The following SPRY3 variants were observed in gnomAD, a reference collection of about 807,000 sequenced individuals.
SPRY3 encodes the protein protein sprouty homolog 3.
Under a neutral mutation model 20.2 loss-of-function variants are expected in SPRY3, and 15 were observed. The ratio of observed to expected loss-of-function variants is 0.74; its 90% CI spans 0.50 to 1.14. The LOEUF (loss-of-function observed/expected upper bound fraction) is 1.14, where lower values mean the gene tolerates loss of function less well. Among genes scored for constraint, SPRY3 ranks in the 50% most tolerant of loss-of-function variants. The pLI, the probability that SPRY3 is intolerant of heterozygous loss-of-function variation, is 0.00. For synonymous variants in SPRY3, 143 were observed against 136.5 expected (o/e 1.05, Z -0.33); for missense variants, 364 against 363.9 (o/e 1.00, Z 0.00).
chrX:155,736,666 T>A (rs2091172065), intron 2 of SPRY3, among the ~76,000 whole-genome samples: 1 of 152,094 alleles, frequency 6.6e-6, no homozygotes, highest in Non-Finnish European at 1.5e-5. Flanking sequence ...AAGTGTAGTT[T>A]TTTGTTTGTT....
At chrX:155,757,612 A>T (rs989564166) in intron 2 of SPRY3, among the ~76,000 whole-genome samples, 1 of 152,100 alleles carries the variant, frequency 6.6e-6, no homozygotes, top group East Asian at 1.9e-4. Flanking sequence ...GAGGTGATGG[A>T]TGTATCATGC....
chrX:155,769,786 G>C (rs778705230), intron 3 of SPRY3, among the ~76,000 whole-genome samples: 1 of 152,184 alleles, frequency 6.6e-6, no homozygotes, highest in Non-Finnish European at 1.5e-5. Context: ...GACAAGTTAA[G>C]AGTTAAATGT....
intron 2 of SPRY3, among the ~76,000 whole-genome samples, chrX:155,670,696 TC>T (rs782576957): frequency 6.7e-4 from 75 of 112,158 alleles, no homozygotes; most frequent in Non-Finnish European, 4.9e-4. Context: ...TTTAAAATTA[TC>T]CTATAATAAC....
intron 2 of SPRY3, among the ~76,000 whole-genome samples, chrX:155,704,920 T>C (rs1162941637): frequency 6.6e-6 from 1 of 151,544 alleles, no homozygotes; most frequent in Non-Finnish European, 1.5e-5. Context: ...GAAAAAAATC[T>C]TTTTAAAATG....
chrX:155,673,817 G>A (rs1292875969), intron 2 of SPRY3, among the ~76,000 whole-genome samples: 1 of 112,009 alleles, frequency 8.9e-6, no homozygotes, highest in Non-Finnish European at 1.9e-5. Context: ...GCCTATAGTC[G>A]ATTCCACCAT....
chrX:155,645,678 C>T (rs782748171), intron 1 of SPRY3, among the ~76,000 whole-genome samples: 5 of 112,551 alleles, frequency 4.4e-5, no homozygotes, highest in Non-Finnish European at 9.4e-5. Flanking sequence ...CTCTGCACCA[C>T]ATGGCCACTG....
intron 2 of SPRY3, among the ~76,000 whole-genome samples, chrX:155,721,622 C>T (rs2091058689): frequency 6.6e-6 from 1 of 151,700 alleles, no homozygotes; most frequent in Non-Finnish European, 1.5e-5. Flanking sequence ...CAGTGGAAAG[C>T]TTACAGGTTA....
intron 2 of SPRY3, among the ~76,000 whole-genome samples, chrX:155,703,729 T>C (rs2090927990): frequency 6.6e-6 from 1 of 151,278 alleles, no homozygotes; most frequent in Non-Finnish European, 1.5e-5. Flanking sequence ...TTTGGATCTT[T>C]CCTGCTTTCT....
chrX:155,694,170 A>G (rs1208906752), intron 2 of SPRY3, among the ~76,000 whole-genome samples: 2 of 111,232 alleles, frequency 1.8e-5, no homozygotes, highest in Non-Finnish European at 3.8e-5. Context: ...TTATTGTTTT[A>G]TCTTTGTTCC....
intron 2 of SPRY3, among the ~76,000 whole-genome samples, chrX:155,764,570 ATG>A (rs1437049722): frequency 6.6e-6 from 1 of 152,202 alleles, no homozygotes; most frequent in Non-Finnish European, 1.5e-5. Flanking sequence ...AGTGATCAGT[ATG>A]CTAGGCCTTG....
chrX:155,742,642 T>G (rs752727521), intron 2 of SPRY3, among the ~76,000 whole-genome samples: 1 of 152,272 alleles, frequency 6.6e-6, no homozygotes, highest in African/African-American at 2.4e-5. Context: ...TAACAGTCTC[T>G]CAGACCACAG....
At chrX:155,776,640 A>G (rs1189799189) in exon 4 of SPRY3, 1 of 167,096 alleles carries the variant, frequency 6.0e-6, no homozygotes, top group Admixed American at 6.5e-5. Flanking sequence ...AGGTGCTCCA[A>G]CTTAGTTTAA....
chrX:155,745,229 G>A (rs148283325), intron 2 of SPRY3, among the ~76,000 whole-genome samples: 1 of 152,212 alleles, frequency 6.6e-6, no homozygotes, highest in East Asian at 1.9e-4. Flanking sequence ...CAGCTAGTTG[G>A]TGTTCCATAG....
intron 2 of SPRY3, among the ~76,000 whole-genome samples, chrX:155,730,200 C>T (rs184662684): frequency 1.1e-4 from 17 of 152,192 alleles, no homozygotes; most frequent in East Asian, 5.8e-4. Context: ...AGCCATATTG[C>T]TCTGATACCA....
chrX:155,636,524 G>T (rs1488407058), intron 1 of SPRY3, among the ~76,000 whole-genome samples: 2 of 108,920 alleles, frequency 1.8e-5, no homozygotes, highest in Non-Finnish European at 3.8e-5. Context: ...TGGTGTATAT[G>T]TAGCAATGAG....
chrX:155,663,159 C>T (rs1394091893), intron 2 of SPRY3, among the ~76,000 whole-genome samples: 1 of 111,889 alleles, frequency 8.9e-6, no homozygotes, highest in Non-Finnish European at 1.9e-5. Context: ...ATTTTACATC[C>T]AACCAAGTTA....
chrX:155,707,479 G>T (rs2090959813), intron 2 of SPRY3, among the ~76,000 whole-genome samples: 2 of 151,162 alleles, frequency 1.3e-5, no homozygotes. Context: ...GTTCTAAAAT[G>T]TCAGGTCACA....
chrX:155,774,286 C>T, exon 4 of SPRY3: 1 of 1,614,044 alleles, frequency 6.2e-7, no homozygotes, highest in South Asian at 1.1e-5. Flanking sequence ...ATCTGCAGGG[C>T]ACCCTAGTGA....
intron 2 of SPRY3, among the ~76,000 whole-genome samples, chrX:155,673,605 T>C (rs2124562058): frequency 8.9e-6 from 1 of 112,114 alleles, no homozygotes; most frequent in Admixed American, 9.4e-5. Flanking sequence ...CTTCAGACTG[T>C]TCCAAGCTTT....
Sources: allele counts gnomAD v4.1 joint callset (sites outside exome capture counted in the v4.1 genomes callset), GRCh38; gene constraint gnomAD v4.1.1; transcripts MANE v1.5; gene names NCBI Gene and HGNC (gene_info 2026-07-23, HGNC 2026-07-21).